SHISA6: variants seen among roughly 807,000 people sequenced by gnomAD.
The protein encoded by SHISA6 is shisa family member 6, also known as protein shisa-6.
A neutral mutation model predicts 47.9 loss-of-function variants in SHISA6; 22 were observed. That is an observed-to-expected ratio of 0.46 (90% CI 0.33 to 0.66). SHISA6 has a LOEUF of 0.66. Ranked by LOEUF, SHISA6 falls within the 30% of genes least tolerant of loss-of-function variation. SHISA6 has a pLI of 0.02. For missense variants in SHISA6, 680 were observed against 764.6 expected, an observed-to-expected ratio of 0.89 and a Z score of 1.30; for synonymous variants, 388 against 337.8, an observed-to-expected ratio of 1.15 and a Z score of -1.63.
chr17:11,418,082 A>G (rs934884651), intron 3 of SHISA6, among the ~76,000 whole-genome samples: 3 of 152,254 alleles, frequency 2.0e-5, no homozygotes, highest in African/African-American at 7.2e-5. Flanking sequence ...TTCATAACAA[A>G]TGCCTTCCAA....
chr17:11,412,320 A>G (rs1480275341), intron 3 of SHISA6, among the ~76,000 whole-genome samples: 1 of 152,184 alleles, frequency 6.6e-6, no homozygotes, highest in African/African-American at 2.4e-5. Context: ...TAAATAGCAA[A>G]TAACTATTAT....
rs149579357 is a variant in SHISA6 at position 11,364,135 on chromosome 17, T to TA, written c.800-15276dup. ...AGGTAAACCTAAATACTAAAATACATAAAGTGTATTAATCTTGTGTATATA... is the reference window on the plus strand; with the variant it reads ...AGGTAAACCTAAATACTAAAATACATAAAAGTGTATTAATCTTGTGTATATA... On this transcript the variant is annotated intron_variant, in intron 2 of 5. Transcript: ENST00000441885. Among the ~76,000 whole-genome samples, 226 of 152,304 alleles carry TA rather than the reference T, an allele frequency of 1.5e-3. 1 individual carries two copies. Among genetic ancestry groups the TA allele is most frequent in the Middle Eastern group, 6.8e-3 (2 of 294 alleles).
chr17:11,434,406 C>A (rs1285211228), intron 3 of SHISA6, among the ~76,000 whole-genome samples: 1 of 152,134 alleles, frequency 6.6e-6, no homozygotes, highest in Non-Finnish European at 1.5e-5. Flanking sequence ...TTTTTCCTCC[C>A]TAATTTTCTC....
At chr17:11,424,382 A>G (rs570746432) in intron 3 of SHISA6, among the ~76,000 whole-genome samples, 1 of 152,350 alleles carries the variant, frequency 6.6e-6, no homozygotes, top group African/African-American at 2.4e-5. Flanking sequence ...CCATCAATTT[A>G]TAACCAGCTA....
At chr17:11,526,879 T>TCATATATATATATATA (rs1567629776) in intron 3 of SHISA6, among the ~76,000 whole-genome samples, 4 of 26,454 alleles carry the variant, frequency 1.5e-4, no homozygotes, top group African/African-American at 5.8e-4. Context: ...CTATCTATCA[T>TCATATATATATATATA]CATATATATA....
Position 11,558,661 on chromosome 17 carries a change from G to A in SHISA6, c.*357G>A, listed in dbSNP as rs3095679. The A allele has an allele frequency of 0.66, 210,017 of 318,736 alleles. 70,641 individuals are homozygous for A. The highest frequency in any genetic ancestry group is 0.89 in the East Asian group (13,055 of 14,718). The allele number at this position is 318,736 out of a possible 1,614,324, so 19.7% of individuals were successfully genotyped here. A position where few individuals can be genotyped will look rare whatever the true frequency, so the allele number is the denominator to read the frequency against. ...GACTCAGCTGCAGGTTCTGTCAGCA[G>A]AGAGACCCTTGCTTGACTGTGGTCT... On this transcript the variant is annotated 3_prime_UTR_variant, in exon 6 of 6. Coordinates refer to ENST00000441885, the MANE Select transcript of SHISA6 (RefSeq NM_207386.4).
At chr17:11,289,955 G>A (rs1597442034) in intron 2 of SHISA6, 2 of 152,052 alleles carry the variant, frequency 1.3e-5, no homozygotes, top group African/African-American at 4.8e-5. Flanking sequence ...ACTTGCAGCT[G>A]TAAGTTCTTC....
chr17:11,293,926 A>G (rs8066969), intron 2 of SHISA6, among the ~76,000 whole-genome samples: 33,326 of 151,634 alleles, frequency 0.22, 3,945 homozygotes, highest in Non-Finnish European at 0.28. Context: ...TCACTCTCTC[A>G]TCGGGCTGGA....
intron 3 of SHISA6, among the ~76,000 whole-genome samples, chr17:11,539,247 CTT>C (rs2071812518): frequency 6.6e-6 from 1 of 152,208 alleles, no homozygotes; most frequent in African/African-American, 2.4e-5. Context: ...CGGCCCACCT[CTT>C]TGTTTTATAC....
intron 3 of SHISA6, among the ~76,000 whole-genome samples, chr17:11,429,898 A>G (rs1306993831): frequency 6.6e-6 from 1 of 152,052 alleles, no homozygotes; most frequent in Non-Finnish European, 1.5e-5. Flanking sequence ...CTTTATCTGC[A>G]TTTAGCCTTC....
intron 3 of SHISA6, among the ~76,000 whole-genome samples, chr17:11,526,923 A>ATATATATATATATATATG (rs2071690887): frequency 3.7e-5 from 1 of 27,020 alleles, no homozygotes; most frequent in African/African-American, 1.7e-4. Flanking sequence ...ATATATATAT[A>ATATATATATATATATATG]TATATATATA....
intron 3 of SHISA6, among the ~76,000 whole-genome samples, chr17:11,538,359 C>A (rs528393856): frequency 6.6e-6 from 1 of 152,108 alleles, no homozygotes; most frequent in Non-Finnish European, 1.5e-5. Flanking sequence ...CCACATCCGA[C>A]CTACCTGAGT....
At chr17:11,402,124 A>G (rs760934681) in intron 3 of SHISA6, among the ~76,000 whole-genome samples, 1 of 152,112 alleles carries the variant, frequency 6.6e-6, no homozygotes, top group Non-Finnish European at 1.5e-5. Context: ...TACTCTCTGA[A>G]GGGGCTTCCT....
chr17:11,376,702 G>A (rs902645214), intron 2 of SHISA6, among the ~76,000 whole-genome samples: 10 of 152,178 alleles, frequency 6.6e-5, no homozygotes, highest in Non-Finnish European at 1.3e-4. Flanking sequence ...TACAGAGAAT[G>A]CAGATCATTC....
At chr17:11,395,706 C>A (rs1329264228) in intron 3 of SHISA6, among the ~76,000 whole-genome samples, 1 of 151,784 alleles carries the variant, frequency 6.6e-6, no homozygotes, top group East Asian at 1.9e-4. Flanking sequence ...ATAGTAGAGA[C>A]AGGGTTTCAC....
At chr17:11,320,891 C>A (rs2142195931) in intron 2 of SHISA6, among the ~76,000 whole-genome samples, 1 of 152,292 alleles carries the variant, frequency 6.6e-6, no homozygotes, top group Non-Finnish European at 1.5e-5. Flanking sequence ...GAAAATGTAT[C>A]ATCTGAGTGT....
intron 3 of SHISA6, among the ~76,000 whole-genome samples, chr17:11,440,651 C>T (rs1023904903): frequency 2.7e-5 from 4 of 148,378 alleles, no homozygotes; most frequent in East Asian, 4.0e-4. Context: ...GATGAGCAAA[C>T]GGATGCTTAG....
intron 2 of SHISA6, among the ~76,000 whole-genome samples, chr17:11,357,484 C>T (rs761672584): frequency 5.9e-5 from 9 of 152,106 alleles, no homozygotes. Context: ...TAGAGAGCAA[C>T]CGATGTGTCT....
At chr17:11,491,569 T>A (rs1026056015) in intron 3 of SHISA6, among the ~76,000 whole-genome samples, 4 of 151,896 alleles carry the variant, frequency 2.6e-5, no homozygotes, top group Non-Finnish European at 5.9e-5. Flanking sequence ...CACCCAAGCA[T>A]CTGTGGAAAG....
Sources: gnomAD v4.1 joint callset for allele counts (sites outside exome capture counted in the v4.1 genomes callset) on GRCh38, gnomAD v4.1.1 for gene constraint, MANE v1.5 for transcripts, NCBI Gene and HGNC (gene_info 2026-07-23, HGNC 2026-07-21) for gene names.